Variants in TENM3 observed in about 807,000 individuals in gnomAD.
TENM3 encodes teneurin-3.
TENM3 carries 63 observed loss-of-function variants against 255.1 expected under a neutral mutation model. That is an observed-to-expected ratio of 0.25 (90% CI 0.20 to 0.30). The LOEUF is 0.30. Ranked by LOEUF, TENM3 falls within the 10% of genes least tolerant of loss-of-function variation. The probability of loss-of-function intolerance (pLI) is 1.00; values close to 1 mark genes in which losing one functional copy is unlikely to be tolerated. For synonymous variants in TENM3, 1,306 were observed against 1,322.3 expected (o/e 0.99, Z 0.27); for missense variants, 2,929 against 3,461.1 (o/e 0.85, Z 3.86).
At chr4:181,596,917 A>G in the TENM3 span, among the ~76,000 whole-genome samples, 1 of 152,114 alleles carries the variant, frequency 6.6e-6, no homozygotes, top group Non-Finnish European at 1.5e-5. Context: ...AGCAACATAC[A>G]CTGGGGCCTT....
chr4:182,228,068 G>C (rs1481464956), intron 1 of TENM3, among the ~76,000 whole-genome samples: 1 of 152,100 alleles, frequency 6.6e-6, no homozygotes, highest in African/African-American at 2.4e-5. Context: ...GTAACCAGGA[G>C]CGGGTTGGGG....
At chr4:181,912,509 C>G in the TENM3 span, among the ~76,000 whole-genome samples, 1 of 151,964 alleles carries the variant, frequency 6.6e-6, no homozygotes, top group African/African-American at 2.4e-5. Flanking sequence ...TGAAGGTGGT[C>G]TGGTGTGGTG....
chr4:182,733,048 G>T (rs72995189), intron 16 of TENM3, among the ~76,000 whole-genome samples: 8 of 152,078 alleles, frequency 5.3e-5, no homozygotes, highest in African/African-American at 1.7e-4. Context: ...AGTGGAGAGA[G>T]GCAGTCAACA....
the TENM3 span, among the ~76,000 whole-genome samples, chr4:181,909,171 G>A: frequency 6.6e-6 from 1 of 152,120 alleles, no homozygotes. Context: ...TCCCACTTGT[G>A]TATCTTCACT....
intron 3 of TENM3, among the ~76,000 whole-genome samples, chr4:182,575,321 G>T (rs6552575): frequency 0.63 from 95,962 of 152,006 alleles, 32,923 homozygotes; most frequent in Non-Finnish European, 0.77. Flanking sequence ...AAAGAAAAAC[G>T]GGTTGGTAAA....
intron 2 of TENM3, among the ~76,000 whole-genome samples, chr4:182,344,351 G>A (rs1444907682): frequency 6.6e-6 from 1 of 152,134 alleles, no homozygotes; most frequent in Non-Finnish European, 1.5e-5. Flanking sequence ...TTCAGAAGCA[G>A]CCCTGGAGAA....
chr4:181,634,384 CTTTT>C, the TENM3 span, among the ~76,000 whole-genome samples: 2,908 of 123,058 alleles, frequency 0.024, 28 homozygotes, highest in Middle Eastern at 0.041. Flanking sequence ...TTTTTTAATT[CTTTT>C]TTTTTTTTTT....
In TENM3 at chr4:182,789,289, G is replaced by A. The variant is rs199658018; in HGVS notation, c.5501G>A (p.Arg1834Gln). ...ACAGGTCAAATTGCCAGCATCCAGC[G>A]AGGCACCACTAGCGAGAAAGTAGAT... The part of the protein sequence containing the change: ...SSTGQIASIQ[R>Q]GTTSEKVDYD... The change falls in exon 25 of 28, where the codon CGA becomes CAA. Residue 1834 changes from arginine to glutamine, a missense_variant. Around this residue, in one of 6 missense-constraint regions of TENM3, gnomAD observed 303 missense variants for 425.2 expected, o/e 0.71. Transcript: ENST00000511685. This position sits in a 1 kb window ranked among gnomAD's most constrained non-coding sequence, Gnocchi z 4.4. 1.7e-5 allele frequency: 27 copies of A among 1,613,772 alleles called. No individual in the cohort carries two copies. The highest frequency in any genetic ancestry group is 3.3e-5 in the South Asian group (3 of 90,990).
the TENM3 span, among the ~76,000 whole-genome samples, chr4:181,782,361 G>A: frequency 6.6e-6 from 1 of 152,144 alleles, no homozygotes; most frequent in Non-Finnish European, 1.5e-5. Context: ...GGGTGTATGT[G>A]TCCAGGAATT....
chr4:182,346,695 A>G lies in TENM3; in HGVS notation c.277A>G (p.Thr93Ala), dbSNP rs768583336. The change falls in exon 3 of 28, where the codon ACT becomes GCT. Residue 93 changes from threonine to alanine, a missense_variant. This residue lies in a region of TENM3 where 283 missense variants were observed against 256.9 expected (regional missense o/e 1.10). Transcript: ENST00000511685. ...GCAGTTAGGAGTTTGTGAACCAGCA[A>G]CTCGAAGAGGACTGGCATTTTGTGC... is the stretch of plus-strand genomic sequence containing the variant. ...LRQLGVCEPA[T>A]RRGLAFCAEM... is the part of the protein sequence containing the mutation. 3 of 1,613,666 alleles carry G rather than the reference A, an allele frequency of 1.9e-6. No individual in the cohort carries two copies. Among genetic ancestry groups the G allele is most frequent in the African/African-American group, 1.3e-5 (1 of 74,868 alleles).
intron 12 of TENM3, among the ~76,000 whole-genome samples, chr4:182,692,454 T>C (rs888055954): frequency 2.6e-5 from 4 of 152,208 alleles, no homozygotes; most frequent in African/African-American, 9.7e-5. Flanking sequence ...TCCCAGAGAA[T>C]TGGAGGCTGT....
intron 16 of TENM3, among the ~76,000 whole-genome samples, chr4:182,732,530 A>G (rs1243621662): frequency 6.6e-6 from 1 of 152,206 alleles, no homozygotes; most frequent in Non-Finnish European, 1.5e-5. Flanking sequence ...GTTAGGTGTA[A>G]TAATAATGGA....
chr4:182,386,883 C>T (rs1767977598), intron 3 of TENM3, among the ~76,000 whole-genome samples: 1 of 152,226 alleles, frequency 6.6e-6, no homozygotes, highest in Admixed American at 6.5e-5. Flanking sequence ...GAATGCCGCC[C>T]CCTGTTCCAC....
chr4:182,539,132 G>T (rs1289049828), intron 3 of TENM3, among the ~76,000 whole-genome samples: 3 of 151,082 alleles, frequency 2.0e-5, no homozygotes, highest in African/African-American at 7.3e-5. Context: ...TATTTCAGTG[G>T]CTTAGTAAAG....
At chr4:182,097,426 A>G in the TENM3 span, among the ~76,000 whole-genome samples, 49 of 152,266 alleles carry the variant, frequency 3.2e-4, 2 homozygotes, top group South Asian at 9.7e-3. Context: ...AGCCCAGGAC[A>G]TGATGCCTTG....
At chr4:182,512,496 C>T (rs1378195287) in intron 3 of TENM3, among the ~76,000 whole-genome samples, 1 of 152,078 alleles carries the variant, frequency 6.6e-6, no homozygotes, top group Admixed American at 6.5e-5. Context: ...CATTACCTTA[C>T]CAAAATAGAT....
At chr4:182,387,448 C>T (rs2168680) in intron 3 of TENM3, among the ~76,000 whole-genome samples, 2 of 152,248 alleles carry the variant, frequency 1.3e-5, no homozygotes, top group African/African-American at 4.8e-5. Flanking sequence ...ATAGGCCACT[C>T]GGCTCTACCA....
chr4:182,090,713 A>G, the TENM3 span, among the ~76,000 whole-genome samples: 1 of 152,146 alleles, frequency 6.6e-6, no homozygotes, highest in Non-Finnish European at 1.5e-5. Flanking sequence ...AACAACCTTC[A>G]CTGAAAGGAA....
chr4:182,045,846 T>G, the TENM3 span, among the ~76,000 whole-genome samples: 1 of 152,150 alleles, frequency 6.6e-6, no homozygotes, highest in Non-Finnish European at 1.5e-5. Context: ...CCCAGGAGTT[T>G]GAGACCATCC....
Sources: gnomAD v4.1 joint callset for allele counts (sites outside exome capture counted in the v4.1 genomes callset) on GRCh38, gnomAD v4.1.1 for gene constraint, gnomAD v4.1.1 regional missense constraint, Gnocchi (gnomAD v3.1) non-coding constraint, MANE v1.5 for transcripts, NCBI Gene and HGNC (gene_info 2026-07-23, HGNC 2026-07-21) for gene names.